The following ACTR3C variants were observed in gnomAD, a reference collection of about 807,000 sequenced individuals.
The protein encoded by ACTR3C is actin related protein 3C, also known as actin-related protein 3C.
Under a neutral mutation model 26.3 loss-of-function variants are expected in ACTR3C, and 18 were observed. The observed-to-expected ratio is 0.68, with a 90% CI of 0.47 to 1.01. The LOEUF is 1.01. Ranked by LOEUF, ACTR3C falls within the 50% of genes least tolerant of loss-of-function variation. The pLI is 0.00. For missense variants in ACTR3C, 184 were observed against 250.7 expected, an observed-to-expected ratio of 0.73 and a Z score of 1.80; for synonymous variants, 55 against 94.5, an observed-to-expected ratio of 0.58 and a Z score of 2.42.
At chr7:149,910,339 A>C in the ACTR3C span, among the ~76,000 whole-genome samples, 3 of 152,166 alleles carry the variant, frequency 2.0e-5, no homozygotes, top group African/African-American at 7.2e-5. Flanking sequence ...TCATCATCTC[A>C]TTTCAGAAGG....
At chr7:150,213,738 T>C in the ACTR3C span, among the ~76,000 whole-genome samples, 1 of 150,144 alleles carries the variant, frequency 6.7e-6, no homozygotes, top group Non-Finnish European at 1.5e-5. Flanking sequence ...TTGCTTCTTA[T>C]GAGAAGACAA....
chr7:149,945,422 T>A, the ACTR3C span, among the ~76,000 whole-genome samples: 7 of 152,122 alleles, frequency 4.6e-5, no homozygotes, highest in Non-Finnish European at 1.0e-4. Context: ...GGGCATTGCC[T>A]GTGTGAACCG....
chr7:150,139,993 T>A, the ACTR3C span, among the ~76,000 whole-genome samples: 3 of 151,438 alleles, frequency 2.0e-5, no homozygotes, highest in Non-Finnish European at 4.4e-5. Context: ...CACATACGCA[T>A]GCACACACAT....
At chr7:150,185,281 G>A in the ACTR3C span, among the ~76,000 whole-genome samples, 2 of 95,058 alleles carry the variant, frequency 2.1e-5, no homozygotes, top group South Asian at 6.3e-4. Flanking sequence ...TCAGGCGTGT[G>A]TGTGTGTGTG....
the ACTR3C span, among the ~76,000 whole-genome samples, chr7:150,172,017 G>A: frequency 2.0e-5 from 3 of 150,526 alleles, no homozygotes; most frequent in Admixed American, 1.3e-4. Flanking sequence ...GCACCATGTT[G>A]GCCAGGATGG....
chr7:149,970,264 G>A, the ACTR3C span, among the ~76,000 whole-genome samples: 1 of 151,724 alleles, frequency 6.6e-6, no homozygotes, highest in African/African-American at 2.4e-5. Flanking sequence ...GAAGCATGCA[G>A]CAAAGGAAGG....
the ACTR3C span, among the ~76,000 whole-genome samples, chr7:149,906,429 T>C: frequency 2.0e-4 from 15 of 75,966 alleles, 1 homozygote; most frequent in East Asian, 6.1e-4. Flanking sequence ...TTTTTTTTTT[T>C]TTTTTTTTTT....
chr7:149,915,800 T>C, the ACTR3C span, among the ~76,000 whole-genome samples: 1 of 150,740 alleles, frequency 6.6e-6, no homozygotes, highest in African/African-American at 2.5e-5. Context: ...TATTTGTACA[T>C]GTATGCAAAG....
chr7:150,107,575 G>A, the ACTR3C span, among the ~76,000 whole-genome samples: 1 of 152,182 alleles, frequency 6.6e-6, no homozygotes, highest in East Asian at 1.9e-4. Flanking sequence ...GAAGACTGCT[G>A]CCGTGAAGCA....
chr7:150,183,678 A>T, the ACTR3C span, among the ~76,000 whole-genome samples: 2 of 142,628 alleles, frequency 1.4e-5, no homozygotes, highest in African/African-American at 5.6e-5. Flanking sequence ...ACATGCCCAA[A>T]GTTACAGGTG....
chr7:149,913,404 G>A, the ACTR3C span, among the ~76,000 whole-genome samples: 6 of 152,268 alleles, frequency 3.9e-5, no homozygotes, highest in East Asian at 1.9e-4. Flanking sequence ...TAGGGGAGGC[G>A]GGTGGACATG....
the ACTR3C span, among the ~76,000 whole-genome samples, chr7:149,955,355 T>C: frequency 6.6e-6 from 1 of 151,978 alleles, no homozygotes; most frequent in Non-Finnish European, 1.5e-5. Context: ...AACTGATTAA[T>C]TGATTAATTG....
At chr7:149,960,211 T>C in the ACTR3C span, among the ~76,000 whole-genome samples, 1 of 151,962 alleles carries the variant, frequency 6.6e-6, no homozygotes, top group Non-Finnish European at 1.5e-5. Flanking sequence ...TCAAGATCTC[T>C]AAAAGCAATT....
chr7:149,950,061 G>T, the ACTR3C span, among the ~76,000 whole-genome samples: 32,555 of 149,380 alleles, frequency 0.22, 4,396 homozygotes, highest in South Asian at 0.35. Context: ...CCTGGCAGCC[G>T]CGTGGCTTGC....
the ACTR3C span, among the ~76,000 whole-genome samples, chr7:150,087,048 C>G: frequency 6.6e-6 from 1 of 152,046 alleles, no homozygotes; most frequent in Non-Finnish European, 1.5e-5. Context: ...AAGAATTTTA[C>G]AGTATTTTTC....
chr7:150,186,800 T>G, the ACTR3C span, among the ~76,000 whole-genome samples: 1 of 152,162 alleles, frequency 6.6e-6, no homozygotes, highest in Non-Finnish European at 1.5e-5. Context: ...AAATGCCAAG[T>G]ATGTGCTGTG....
chr7:150,254,838 C>T (rs570736250), intron 6 of ACTR3C, among the ~76,000 whole-genome samples: 22 of 152,334 alleles, frequency 1.4e-4, no homozygotes, highest in African/African-American at 5.1e-4. Flanking sequence ...AGGACCTAGA[C>T]TGAACCCCTG....
At chr7:150,276,606 C>T (rs1175622363) in intron 6 of ACTR3C, among the ~76,000 whole-genome samples, 1 of 152,254 alleles carries the variant, frequency 6.6e-6, no homozygotes, top group Admixed American at 6.5e-5. Flanking sequence ...CAGCCCTCAA[C>T]AGCCGCCTGA....
the ACTR3C span, among the ~76,000 whole-genome samples, chr7:150,050,686 A>G: frequency 6.6e-6 from 1 of 152,192 alleles, no homozygotes; most frequent in Non-Finnish European, 1.5e-5. Context: ...GACTGGAAAC[A>G]GCATGGATGA....
Sources: gnomAD v4.1 joint callset for allele counts (sites outside exome capture counted in the v4.1 genomes callset) on GRCh38, gnomAD v4.1.1 for gene constraint, MANE v1.5 for transcripts, NCBI Gene and HGNC (gene_info 2026-07-23, HGNC 2026-07-21) for gene names.